CSMD1: variants seen among roughly 807,000 people sequenced by gnomAD.
CSMD1 encodes the protein CUB and sushi domain-containing protein 1.
CSMD1 carries 213 observed loss-of-function variants against 417.5 expected under a neutral mutation model. That is an observed-to-expected ratio of 0.51 (90% CI 0.46 to 0.57). The LOEUF is 0.57. CSMD1 is among the 20% of genes least tolerant of loss of function. The pLI is 0.00. For missense variants in CSMD1, 6,923 were observed against 4,529.7 expected (o/e 1.53, Z -15.17); for synonymous variants, 2,862 against 1,736.8 (o/e 1.65, Z -16.11).
intron 3 of CSMD1, among the ~76,000 whole-genome samples, chr8:4,341,706 T>A (rs371817649): frequency 3.3e-5 from 5 of 152,266 alleles, no homozygotes; most frequent in African/African-American, 1.2e-4. Flanking sequence ...AACCTAAGAT[T>A]AGTCAATATG....
At chr8:3,975,634 AG>A (rs910519189) in intron 5 of CSMD1, among the ~76,000 whole-genome samples, 10 of 152,278 alleles carry the variant, frequency 6.6e-5, no homozygotes, top group African/African-American at 2.4e-4. Flanking sequence ...AAGTGCCTGT[AG>A]GTGCCCAGCA....
chr8:4,698,590 T>C (rs892282566), intron 1 of CSMD1, among the ~76,000 whole-genome samples: 24 of 114,846 alleles, frequency 2.1e-4, no homozygotes, highest in African/African-American at 8.1e-4. Context: ...ACAATGGAAA[T>C]GATAGAAATT....
intron 5 of CSMD1, among the ~76,000 whole-genome samples, chr8:3,836,985 A>G (rs1020165657): frequency 5.3e-5 from 8 of 151,924 alleles, no homozygotes; most frequent in East Asian, 1.9e-4. Context: ...CAGAACTAAG[A>G]TCCTTAATTA....
chr8:4,187,172 G>C (rs1013875188), intron 3 of CSMD1, among the ~76,000 whole-genome samples: 1 of 152,120 alleles, frequency 6.6e-6, no homozygotes, highest in East Asian at 1.9e-4. Context: ...TTAAAAATAA[G>C]TTGCTTTAAA....
At position 3,514,070 on chromosome 8, in the gene CSMD1, T is replaced by C. The variant is rs527743341; in HGVS notation, c.1345-20344A>G. The stretch of plus-strand genomic sequence containing the variant: ...TCTCTTAGGAACACCCTGTGTTCTT[T>C]AGTTTTTCAAAGCATCACTCAATCC... On this transcript the variant is annotated intron_variant, in intron 10 of 69. Transcript: ENST00000635120. 4.6e-5 allele frequency among the ~76,000 whole-genome samples: 7 copies of C among 152,304 alleles called. No individual in the cohort carries two copies. In the South Asian group the frequency reaches 8.3e-4, roughly 18 times the overall value.
chr8:4,785,972 T>C (rs1051051880), intron 1 of CSMD1, among the ~76,000 whole-genome samples: 13 of 152,186 alleles, frequency 8.5e-5, no homozygotes, highest in Admixed American at 2.0e-4. Context: ...AGGAAAGACA[T>C]CCTGCATGGT....
chr8:4,236,205 G>A (rs928631244), intron 3 of CSMD1, among the ~76,000 whole-genome samples: 3 of 151,960 alleles, frequency 2.0e-5, no homozygotes, highest in Non-Finnish European at 4.4e-5. Context: ...GTACGTCTGC[G>A]GGAATTCATA....
chr8:4,781,981 T>C (rs1797172590), intron 1 of CSMD1, among the ~76,000 whole-genome samples: 1 of 152,186 alleles, frequency 6.6e-6, no homozygotes, highest in African/African-American at 2.4e-5. Flanking sequence ...TCTGACTTCA[T>C]TTCTCCAGAG....
chr8:3,752,732 T>G (rs913029335), intron 6 of CSMD1, among the ~76,000 whole-genome samples: 5 of 143,612 alleles, frequency 3.5e-5, no homozygotes, highest in African/African-American at 1.3e-4. Context: ...AATTTGCCCC[T>G]GGATTCTGAG....
intron 2 of CSMD1, among the ~76,000 whole-genome samples, chr8:4,607,467 T>C (rs1045278399): frequency 2.0e-5 from 3 of 152,138 alleles, no homozygotes; most frequent in Non-Finnish European, 4.4e-5. Context: ...AGCTAGGGCC[T>C]GATACGACCC....
In CSMD1 at chr8:3,307,702, T is replaced by C; in HGVS notation, c.3943A>G (p.Thr1315Ala). 5 of 1,613,240 alleles carry C rather than the reference T, an allele frequency of 3.1e-6. No homozygotes were observed. Among genetic ancestry groups the C allele is most frequent in the Non-Finnish European group, 3.4e-6 (4 of 1,179,502 alleles). The stretch of plus-strand genomic sequence containing the variant: ...CCAAAATAAAACAAGTACCTAATGG[T>C]CTTTCCTGGGTCTGCCTCTATAATC... Reference protein sequence around the residue: ...TWIIEADPGKTISLHFIVFDT... With the variant: ...TWIIEADPGKAISLHFIVFDT... Residue 1315 changes from threonine (T) to alanine (A), a missense_variant, in exon 25 of 70, where the codon ACC becomes GCC. Coordinates refer to ENST00000635120, the MANE Select transcript of CSMD1 (RefSeq NM_033225.6).
At chr8:4,704,718 G>A (rs941909917) in intron 1 of CSMD1, among the ~76,000 whole-genome samples, 7 of 152,280 alleles carry the variant, frequency 4.6e-5, no homozygotes, top group African/African-American at 1.7e-4. Flanking sequence ...CTTGCTTAAT[G>A]GAATGCCTGT....
At chr8:4,444,153 C>T (rs954363747) in intron 2 of CSMD1, among the ~76,000 whole-genome samples, 2 of 151,754 alleles carry the variant, frequency 1.3e-5, no homozygotes, top group Admixed American at 1.3e-4. Context: ...ACCACTCTGG[C>T]CAACATGGCA....
At chr8:3,396,156 G>C in intron 17 of CSMD1, 38 bp downstream of exon 17, 1 of 1,522,528 alleles carries the variant, frequency 6.6e-7, no homozygotes. Context: ...TCCCATGCAT[G>C]CTGCCCTGCC....
chr8:4,139,054 G>A (rs981730736), intron 3 of CSMD1, among the ~76,000 whole-genome samples: 3 of 152,024 alleles, frequency 2.0e-5, no homozygotes, highest in East Asian at 1.9e-4. Flanking sequence ...ACAGACTTGG[G>A]GCCACCAAAA....
chr8:4,168,811 A>T (rs969605402), intron 3 of CSMD1, among the ~76,000 whole-genome samples: 2 of 152,078 alleles, frequency 1.3e-5, no homozygotes, highest in Admixed American at 6.5e-5. Context: ...TTTCCTTTGA[A>T]CTAACTTCAT....
chr8:4,172,296 C>G (rs1237142187), intron 3 of CSMD1, among the ~76,000 whole-genome samples: 1 of 152,030 alleles, frequency 6.6e-6, no homozygotes, highest in Non-Finnish European at 1.5e-5. Flanking sequence ...AATGCAGTAA[C>G]CACTGAGCAG....
At chr8:4,797,975 C>T (rs1430881407) in intron 1 of CSMD1, among the ~76,000 whole-genome samples, 3 of 152,184 alleles carry the variant, frequency 2.0e-5, no homozygotes, top group Non-Finnish European at 2.9e-5. Context: ...TTCCCAAATG[C>T]ATCTATGCAA....
intron 3 of CSMD1, among the ~76,000 whole-genome samples, chr8:4,060,563 G>A (rs1270828748): frequency 6.6e-6 from 1 of 152,120 alleles, no homozygotes; most frequent in African/African-American, 2.4e-5. Flanking sequence ...TTAACAGTGC[G>A]AATGAGTTCC....
Sources: allele counts gnomAD v4.1 joint callset (sites outside exome capture counted in the v4.1 genomes callset), GRCh38; gene constraint gnomAD v4.1.1; transcripts MANE v1.5; gene names NCBI Gene and HGNC (gene_info 2026-07-23, HGNC 2026-07-21).